RERE: variants seen among roughly 807,000 people sequenced by gnomAD.
The protein encoded by RERE is arginine-glutamic acid dipeptide repeats protein.
A neutral mutation model predicts 146.1 loss-of-function variants in RERE; 40 were observed. The observed-to-expected ratio is 0.27, with a 90% CI of 0.21 to 0.36. The LOEUF is 0.36. RERE is among the 10% of genes least tolerant of loss of function. The pLI is 1.00. For missense variants in RERE, 1,933 were observed against 2,138.7 expected (o/e 0.90, Z 1.90); for synonymous variants, 1,003 against 866.0 (o/e 1.16, Z -2.78).
chr1:8,569,919 C>T (rs934732236), intron 4 of RERE, among the ~76,000 whole-genome samples: 2 of 151,912 alleles, frequency 1.3e-5, no homozygotes, highest in African/African-American at 4.8e-5. Context: ...TTTATTGACT[C>T]AATACACTTT....
chr1:8,662,989 A>C (rs564780323), intron 1 of RERE, among the ~76,000 whole-genome samples: 4 of 152,304 alleles, frequency 2.6e-5, no homozygotes, highest in Non-Finnish European at 4.4e-5. Flanking sequence ...AAATATCAAT[A>C]ATATGTATTT....
chr1:8,624,403 A>G, intron 2 of RERE, 23 bp from the exon 3 acceptor site: 4 of 1,531,466 alleles, frequency 2.6e-6, no homozygotes, highest in Non-Finnish European at 3.6e-6. Context: ...AAGAAATTTT[A>G]AAACAATGGC....
At chr1:8,412,567 T>C (rs1007825560) in intron 12 of RERE, among the ~76,000 whole-genome samples, 4 of 152,250 alleles carry the variant, frequency 2.6e-5, no homozygotes, top group Admixed American at 2.0e-4. Flanking sequence ...TGAAGCCAAG[T>C]TGCAATTGGC....
At chr1:8,414,991 T>C (rs74318030) in intron 12 of RERE, among the ~76,000 whole-genome samples, 2 of 152,340 alleles carry the variant, frequency 1.3e-5, no homozygotes, top group African/African-American at 4.8e-5. Flanking sequence ...TACTCAAGGG[T>C]ATAGTTTCAA....
chr1:8,638,783 A>ATTTTTTTTTTTTTTTTTTTTTTTTT (rs34276909), intron 2 of RERE, among the ~76,000 whole-genome samples: 1 of 100,348 alleles, frequency 1.0e-5, no homozygotes. Context: ...ACGAAAAAAA[A>ATTTTTTTTTTTTTTTTTTTTTTTTT]TTTTTTTTTT....
At chr1:8,678,476 C>G (rs1189660907) in intron 1 of RERE, among the ~76,000 whole-genome samples, 1 of 144,532 alleles carries the variant, frequency 6.9e-6, no homozygotes, top group Non-Finnish European at 1.5e-5. Context: ...AACCCCATCT[C>G]TACTAAAAAT....
intron 1 of RERE, among the ~76,000 whole-genome samples, chr1:8,755,510 T>A (rs1640623546): frequency 6.6e-6 from 1 of 152,192 alleles, no homozygotes; most frequent in South Asian, 2.1e-4. Context: ...ATACAAAATG[T>A]CAAGAGGGCC....
At chr1:8,786,235 C>A in intron 1 of RERE, 1 of 946,638 alleles carries the variant, frequency 1.1e-6, no homozygotes, top group Middle Eastern at 3.4e-4. Flanking sequence ...ATCTGGTCCT[C>A]CCTGTTGCCA....
chr1:8,555,965 C>A (rs958323495), intron 6 of RERE, among the ~76,000 whole-genome samples: 3 of 152,164 alleles, frequency 2.0e-5, no homozygotes, highest in African/African-American at 7.2e-5. Context: ...CAATGAAAAT[C>A]TCTATAAATT....
chr1:8,448,856 TAAAC>T (rs1169316194), intron 11 of RERE, among the ~76,000 whole-genome samples: 72 of 142,462 alleles, frequency 5.1e-4, no homozygotes, highest in Non-Finnish European at 8.2e-4. Flanking sequence ...AACAAACAAA[TAAAC>T]AAACAAAAAA....
At chr1:8,505,048 G>C (rs980003378) in intron 8 of RERE, among the ~76,000 whole-genome samples, 3 of 152,108 alleles carry the variant, frequency 2.0e-5, no homozygotes, top group Non-Finnish European at 4.4e-5. Flanking sequence ...CAAATTTAAT[G>C]CAATCAGCCA....
At chr1:8,575,561 A>ATATATATTT (rs1337650659) in intron 4 of RERE, among the ~76,000 whole-genome samples, 3 of 98,680 alleles carry the variant, frequency 3.0e-5, no homozygotes, top group Non-Finnish European at 5.7e-5. Context: ...ATATATATAT[A>ATATATATTT]TTTTTTTTTT....
intron 1 of RERE, among the ~76,000 whole-genome samples, chr1:8,772,754 G>A (rs187088181): frequency 6.6e-6 from 1 of 152,020 alleles, no homozygotes; most frequent in Non-Finnish European, 1.5e-5. Flanking sequence ...ACTCCAGCCT[G>A]GGCAACAGAG....
At chr1:8,766,026 T>A (rs1640839418) in intron 1 of RERE, among the ~76,000 whole-genome samples, 1 of 151,600 alleles carries the variant, frequency 6.6e-6, no homozygotes, top group Admixed American at 6.6e-5. Flanking sequence ...GGCAGGAGAA[T>A]CACTTGAACC....
chr1:8,470,596 C>T (rs80352827), intron 10 of RERE, among the ~76,000 whole-genome samples: 3 of 151,776 alleles, frequency 2.0e-5, no homozygotes, highest in African/African-American at 4.8e-5. Context: ...AATATTATTG[C>T]GCTATCATCA....
rs747073010 is a variant in RERE at position 8,359,714 on chromosome 1, C to T, written c.3618+50G>A. On this transcript the variant is annotated intron_variant, in intron 19 of 22. Transcript: ENST00000400908. ...TCGGTGGCCCAGCGTGGCTCCCAGGCGCAGGATGGACCAGCGCCCCCCGTC... is the reference window on the plus strand; with the variant it reads ...TCGGTGGCCCAGCGTGGCTCCCAGGTGCAGGATGGACCAGCGCCCCCCGTC... 9.7e-5 allele frequency: 153 copies of T among 1,580,268 alleles called. 3 individuals carry two copies. In the East Asian group the frequency reaches 3.1e-3, roughly 32 times the overall value.
At chr1:8,355,987 A>G (rs547452002) in intron 21 of RERE, 113 bp downstream of exon 21, 2 of 1,194,770 alleles carry the variant, frequency 1.7e-6, no homozygotes, top group African/African-American at 3.2e-5. Flanking sequence ...GGGGGAGCGA[A>G]CCCACCTGCT....
At chr1:8,765,055 G>A (rs141232433) in intron 1 of RERE, among the ~76,000 whole-genome samples, 6 of 152,280 alleles carry the variant, frequency 3.9e-5, no homozygotes, top group South Asian at 2.1e-4. Context: ...GTACATGAAC[G>A]TTCACAACAG....
chr1:8,467,379 A>G (rs919959913), intron 10 of RERE, among the ~76,000 whole-genome samples: 6 of 152,128 alleles, frequency 3.9e-5, no homozygotes, highest in African/African-American at 1.4e-4. Flanking sequence ...TGTAATAATT[A>G]CTCTTGCTTA....
Sources: allele counts gnomAD v4.1 joint callset (sites outside exome capture counted in the v4.1 genomes callset), GRCh38; gene constraint gnomAD v4.1.1; transcripts MANE v1.5; gene names NCBI Gene and HGNC (gene_info 2026-07-23, HGNC 2026-07-21).